Variants in USH2A observed in about 807,000 individuals in gnomAD.
The protein encoded by USH2A is usherin.
Under a neutral mutation model 538.9 loss-of-function variants are expected in USH2A, and 443 were observed. The ratio of observed to expected loss-of-function variants is 0.82; its 90% CI spans 0.76 to 0.89. The LOEUF is 0.89. Ranked by LOEUF, USH2A falls within the 40% of genes least tolerant of loss-of-function variation. USH2A has a pLI of 0.00. For missense variants in USH2A, 6,633 were observed against 6,324.8 expected (o/e 1.05, Z -1.65); for synonymous variants, 2,413 against 2,273.5 (o/e 1.06, Z -1.75).
chr1:216,116,831 G>GA (rs374974685), intron 21 of USH2A, among the ~76,000 whole-genome samples: 2,978 of 149,740 alleles, frequency 0.02, 107 homozygotes, highest in African/African-American at 0.067. Context: ...ATGACAGAAG[G>GA]AAAAAAAAAG....
rs1185983656 is a variant in USH2A, at chr1:216,097,213, C to T, written c.4628G>A (p.Gly1543Asp). 3.7e-6 allele frequency: 6 copies of T among 1,613,970 alleles called. No homozygotes were observed. The highest frequency in any genetic ancestry group is 2.2e-5 in the South Asian group (2 of 91,086). Reference protein sequence around the residue: ...STHPVNTDFTGIKASFRTKVP... With the variant: ...STHPVNTDFTDIKASFRTKVP... ...TTTTGTTCGAAAGCTGGCCTTAATG[C>T]CTGGTAAGACAAGTGTGATCAGCAA... The change falls in exon 22 of 72, where the codon GGC becomes GAC. Residue 1543 changes from glycine (G) to aspartate (D), a missense_variant and splice_region_variant. By Grantham distance (94) the Gly-to-Asp change is moderately conservative (BLOSUM62 -1). Transcript: ENST00000307340.
intron 38 of USH2A, among the ~76,000 whole-genome samples, chr1:215,912,835 T>C (rs1285031066): frequency 3.9e-5 from 6 of 152,030 alleles, no homozygotes; most frequent in South Asian, 2.1e-4. Flanking sequence ...AGGCCCTGTG[T>C]CTGTTTTTCC....
intron 21 of USH2A, among the ~76,000 whole-genome samples, chr1:216,153,413 G>T (rs2033878387): frequency 6.6e-6 from 1 of 152,096 alleles, no homozygotes; most frequent in Admixed American, 6.5e-5. Flanking sequence ...TGAGTGCAAG[G>T]CGGTCAAGCA....
At chr1:216,229,300 G>C (rs1419376384) in intron 14 of USH2A, among the ~76,000 whole-genome samples, 1 of 151,624 alleles carries the variant, frequency 6.6e-6, no homozygotes, top group Non-Finnish European at 1.5e-5. Context: ...TCTGAAGTCT[G>C]CTTTCTCTCT....
At chr1:215,959,011 C>T (rs989269445) in intron 37 of USH2A, among the ~76,000 whole-genome samples, 8 of 152,000 alleles carry the variant, frequency 5.3e-5, no homozygotes, top group Non-Finnish European at 1.2e-4. Flanking sequence ...TGTAAGCTTC[C>T]ACCTTAGGAC....
At chr1:216,301,632 T>C (rs1267140584) in intron 9 of USH2A, among the ~76,000 whole-genome samples, 2 of 152,132 alleles carry the variant, frequency 1.3e-5, no homozygotes, top group Admixed American at 6.5e-5. Context: ...CTCCTGGCTA[T>C]AAAATTTAGA....
intron 42 of USH2A, among the ~76,000 whole-genome samples, chr1:215,878,486 A>C (rs1447426832): frequency 6.6e-6 from 1 of 152,200 alleles, no homozygotes; most frequent in Non-Finnish European, 1.5e-5. Context: ...ATATAATAAA[A>C]GCATATGTTG....
chr1:215,649,571 A>G (rs1394406364), intron 65 of USH2A, among the ~76,000 whole-genome samples: 2 of 152,188 alleles, frequency 1.3e-5, no homozygotes, highest in Non-Finnish European at 2.9e-5. Flanking sequence ...TATTTACATC[A>G]TCTATATTTA....
chr1:216,329,772 G>T (rs557485472), intron 4 of USH2A, among the ~76,000 whole-genome samples: 1 of 151,926 alleles, frequency 6.6e-6, no homozygotes. Context: ...TCTGTGCCCC[G>T]CTATAGTCCT....
rs114191783 is a variant in USH2A, at chr1:215,648,989, G to A, written c.14344-223C>T. 7.8e-3 allele frequency among the ~76,000 whole-genome samples: 1,191 copies of A among 152,234 alleles called. 9 individuals are homozygous for A. Among genetic ancestry groups the A allele is most frequent in the Admixed American group, 0.012 (181 of 15,298 alleles). ...CTGATAATGTAACCGTTAAATAGAC[G>A]TTTGAGGTAGCAGGATGGAAATCAC... On this transcript the variant is annotated intron_variant, in intron 65 of 71. Transcript: ENST00000307340.
At chr1:215,741,229 A>G (rs1660290764) in intron 60 of USH2A, 146 bp downstream of exon 60, 1 of 1,025,752 alleles carries the variant, frequency 9.7e-7, no homozygotes, top group Non-Finnish European at 1.4e-6. Flanking sequence ...CAAACAAACA[A>G]ACAAACATAC....
intron 30 of USH2A, among the ~76,000 whole-genome samples, chr1:216,050,552 T>A (rs2030715629): frequency 9.1e-6 from 1 of 109,518 alleles, no homozygotes; most frequent in Non-Finnish European, 2.0e-5. Context: ...ACTAGACAAT[T>A]TGTATCTTTT....
chr1:215,682,435 T>C lies in USH2A; in HGVS notation c.12067-2059A>G, dbSNP rs957287214. Reference sequence around the variant, plus strand: ...ATTCAGCCCCTAGATGGCAATACTATCAAACACTTTTGGTAACATGAGTAC... The same window carrying C: ...ATTCAGCCCCTAGATGGCAATACTACCAAACACTTTTGGTAACATGAGTAC... On this transcript the variant is annotated intron_variant, in intron 61 of 71. Coordinates refer to ENST00000307340, the MANE Select transcript of USH2A (RefSeq NM_206933.4). Among the ~76,000 whole-genome samples the C allele has an allele frequency of 1.3e-4, 20 of 152,306 alleles. No individual in the cohort carries two copies. In the Middle Eastern group the frequency reaches 0.014, roughly 104 times the overall value.
chr1:215,937,927 A>G (rs1363399136), intron 37 of USH2A, among the ~76,000 whole-genome samples: 1 of 152,068 alleles, frequency 6.6e-6, no homozygotes, highest in African/African-American at 2.4e-5. Flanking sequence ...GAACTGTAAA[A>G]CAAACAAAAA....
chr1:215,990,153 G>A (rs1056200769), intron 35 of USH2A, among the ~76,000 whole-genome samples: 1 of 152,172 alleles, frequency 6.6e-6, no homozygotes, highest in Non-Finnish European at 1.5e-5. Context: ...ATTGCCATGT[G>A]AGCCTGGTAC....
intron 37 of USH2A, among the ~76,000 whole-genome samples, chr1:215,942,680 C>T (rs566192953): frequency 2.1e-4 from 32 of 152,138 alleles, no homozygotes; most frequent in South Asian, 2.1e-3. Context: ...AAAAAATGAC[C>T]GACATGAATT....
chr1:216,284,915 C>T (rs145124597), intron 11 of USH2A, among the ~76,000 whole-genome samples: 74 of 152,094 alleles, frequency 4.9e-4, no homozygotes, highest in African/African-American at 1.7e-3. Context: ...GGCATTTTGC[C>T]CCTCCCCTGG....
chr1:216,080,137 G>A (rs948782391), intron 26 of USH2A: 1 of 151,936 alleles, frequency 6.6e-6, no homozygotes, highest in African/African-American at 2.4e-5. Context: ...ACACAGTTTG[G>A]GGATGGCCCA....
In USH2A at chr1:215,780,033, T is replaced by G. The variant is rs747834026; in HGVS notation, c.10749A>C (p.Ala3583=). Residue 3583 remains alanine, a synonymous_variant, in exon 55 of 72, where the codon GCA becomes GCC. Transcript: ENST00000307340. ...TCTCCGGAACTCCTTGGGTAGTAGCTGCAACTACCTGAAGACGTAGGAATT... is the reference window on the plus strand; with the variant it reads ...TCTCCGGAACTCCTTGGGTAGTAGCGGCAACTACCTGAAGACGTAGGAATT... ...AGCATSSKVV[A]ATTQGVPESI... 1.1e-5 allele frequency: 18 copies of G among 1,614,108 alleles called. No individual in the cohort carries two copies. The highest frequency in any genetic ancestry group is 2.7e-5 in the African/African-American group (2 of 75,040).
Sources: allele counts gnomAD v4.1 joint callset (sites outside exome capture counted in the v4.1 genomes callset), GRCh38; gene constraint gnomAD v4.1.1; transcripts MANE v1.5; gene names NCBI Gene and HGNC (gene_info 2026-07-23, HGNC 2026-07-21).